Variants in PODXL observed in about 807,000 individuals in gnomAD.
PODXL encodes the protein podocalyxin.
PODXL carries 20 observed loss-of-function variants against 48.9 expected under a neutral mutation model. The observed-to-expected ratio is 0.41, with a 90% CI of 0.29 to 0.59. The LOEUF (loss-of-function observed/expected upper bound fraction) is 0.59. PODXL is among the 20% of genes least tolerant of loss of function. The pLI, the probability that PODXL is intolerant of heterozygous loss-of-function variation, is 0.31. For synonymous variants in PODXL, 295 were observed against 287.4 expected (o/e 1.03, Z -0.27); for missense variants, 606 against 675.1 (o/e 0.90, Z 1.13).
At chr7:131,544,757 C>T (rs79839625) in intron 1 of PODXL, among the ~76,000 whole-genome samples, 6,898 of 152,230 alleles carry the variant, frequency 0.045, 500 homozygotes, top group African/African-American at 0.15. Flanking sequence ...GTCCCACCTG[C>T]GAGTAGTGCC....
intron 1 of PODXL, among the ~76,000 whole-genome samples, chr7:131,544,270 G>C (rs772240098): frequency 6.6e-6 from 1 of 152,236 alleles, no homozygotes; most frequent in Non-Finnish European, 1.5e-5. Context: ...CCCAGGGCCA[G>C]TTATAGCTGG....
intron 1 of PODXL, among the ~76,000 whole-genome samples, chr7:131,551,318 C>T (rs1412247081): frequency 6.6e-6 from 1 of 152,164 alleles, no homozygotes; most frequent in East Asian, 1.9e-4. Context: ...AGCTGAGCTC[C>T]CTGCCCTGCT....
rs2116877889 is a variant in PODXL, at chr7:131,554,790, C to T, written c.100+1470G>A. Among the ~76,000 whole-genome samples, 3 of 152,282 alleles carry T rather than the reference C, an allele frequency of 2.0e-5. No homozygotes were observed. In the Middle Eastern group the frequency reaches 0.01, roughly 518 times the overall value. On this transcript the variant is annotated intron_variant, in intron 1 of 8. Transcript: ENST00000378555. ...CGCCCTTCTGGGTGGTTCTAAGAGGCTTCCCAACAAAAGGTTCGTATGAAG... is the reference window on the plus strand; with the variant it reads ...CGCCCTTCTGGGTGGTTCTAAGAGGTTTCCCAACAAAAGGTTCGTATGAAG...
intron 1 of PODXL, among the ~76,000 whole-genome samples, chr7:131,525,959 T>C (rs1173224757): frequency 6.6e-6 from 1 of 152,294 alleles, no homozygotes; most frequent in East Asian, 1.9e-4. Flanking sequence ...GACAAATAGA[T>C]GACAGATGAG....
At chr7:131,533,844 A>G (rs183843593) in intron 1 of PODXL, among the ~76,000 whole-genome samples, 1 of 152,340 alleles carries the variant, frequency 6.6e-6, no homozygotes, top group Admixed American at 6.5e-5. Flanking sequence ...CACAAGCTGT[A>G]TAACCAGGCA....
intron 1 of PODXL, among the ~76,000 whole-genome samples, chr7:131,517,881 G>C (rs1798027032): frequency 6.6e-6 from 1 of 152,052 alleles, no homozygotes; most frequent in Admixed American, 6.6e-5. Context: ...TGGGACCACA[G>C]GTACACACCA....
intron 1 of PODXL, among the ~76,000 whole-genome samples, chr7:131,553,035 C>T (rs1048669711): frequency 6.6e-6 from 1 of 152,192 alleles, no homozygotes; most frequent in Non-Finnish European, 1.5e-5. Context: ...ATCCTCCCAC[C>T]TTGGCCTCTC....
intron 1 of PODXL, among the ~76,000 whole-genome samples, chr7:131,534,198 T>C (rs1643256): frequency 0.92 from 139,543 of 152,188 alleles, 64,243 homozygotes; most frequent in East Asian, 1. Flanking sequence ...CTCTTCCTTC[T>C]CAGTGAGGCA....
chr7:131,510,938 G>T lies in PODXL; in HGVS notation c.596C>A (p.Ala199Asp), dbSNP rs770246998. Residue 199 changes from alanine (A) to aspartate (D), a missense_variant, in exon 2 of 9, where the codon GCC (alanine) becomes GAC (aspartate). Transcript: ENST00000378555. ...PRQPTSTHPVATPTSSGHDHL... is the reference protein window; with the variant it reads ...PRQPTSTHPVDTPTSSGHDHL... ...GTCATGTCCCGAGCTTGTTGGGGTG[G>T]CCACAGGATGCGTCGAAGTGGGTTG... The T allele has an allele frequency of 1.9e-6, 3 of 1,614,022 alleles. No individual in the cohort carries two copies. Among genetic ancestry groups the T allele is most frequent in the African/African-American group, 2.7e-5 (2 of 74,914 alleles).
At position 131,502,198 on chromosome 7, in the gene PODXL, C is replaced by T. The variant is rs1048052570; in HGVS notation, c.*2113G>A. Reference sequence around the variant, plus strand: ...TCTGGCCTCTCCCACGGGACCACAACAGAAAACCTACTGGGTGGAGAGAAC... The same window carrying T: ...TCTGGCCTCTCCCACGGGACCACAATAGAAAACCTACTGGGTGGAGAGAAC... On this transcript the variant is annotated 3_prime_UTR_variant, in exon 9 of 9. Coordinates refer to ENST00000378555, the MANE Select transcript of PODXL (RefSeq NM_001018111.3). 4 of 152,216 alleles carry T rather than the reference C, an allele frequency of 2.6e-5. No homozygotes were observed. The highest frequency in any genetic ancestry group is 5.9e-5 in the Non-Finnish European group (4 of 68,068). The allele number at this position is 152,216 out of a possible 1,614,324, so 9.4% of individuals were successfully genotyped here.
At chr7:131,544,596 A>G (rs1798536051) in intron 1 of PODXL, among the ~76,000 whole-genome samples, 1 of 152,108 alleles carries the variant, frequency 6.6e-6, no homozygotes. Context: ...CGTGGGCAGG[A>G]GTTAGGACAG....
rs779993340 is a variant in PODXL, at chr7:131,509,491, C to T, written c.897G>A (p.Thr299=). Residue 299 remains threonine (T), a synonymous_variant, in exon 4 of 9, where the codon ACG becomes ACA. Transcript: ENST00000378555. ...APSSQETVQP[T]SPATALRTPT... ...GTGTTCTCAATGCCGTTGCCGGGCTCGTGGGCTGCACTGTCTCCTGGGAGG... is the reference window on the plus strand; with the variant it reads ...GTGTTCTCAATGCCGTTGCCGGGCTTGTGGGCTGCACTGTCTCCTGGGAGG... 2.0e-5 allele frequency: 32 copies of T among 1,613,582 alleles called. No individual in the cohort carries two copies. In the Admixed American group the frequency reaches 4.2e-4, roughly 21 times the overall value.
chr7:131,547,374 CAAAAAAAAAAA>C (rs10683140), intron 1 of PODXL, among the ~76,000 whole-genome samples: 1 of 68,974 alleles, frequency 1.4e-5, no homozygotes, highest in South Asian at 7.7e-4. Flanking sequence ...AACTCCGTCT[CAAAAAAAAAAA>C]AAAAAAAAAA....
intron 1 of PODXL, among the ~76,000 whole-genome samples, chr7:131,551,055 A>G (rs1031981117): frequency 6.6e-6 from 1 of 152,204 alleles, no homozygotes; most frequent in African/African-American, 2.4e-5. Flanking sequence ...TGCCGACTCG[A>G]AGCAGTCATA....
chr7:131,509,066 G>A (rs1222080065), intron 4 of PODXL, 38 bp from the exon 5 acceptor site: 8 of 1,536,688 alleles, frequency 5.2e-6, no homozygotes, highest in Admixed American at 5.0e-5. Flanking sequence ...TGGGCTAATA[G>A]TCATGGAATC....
At chr7:131,510,185 ATAAG>A (rs906509990) in intron 3 of PODXL, 47 bp downstream of exon 3, 57 of 446,392 alleles carry the variant, frequency 1.3e-4, no homozygotes, top group South Asian at 3.5e-4. Context: ...CTTATAAATA[ATAAG>A]TAAGTAAGTA....
chr7:131,508,806 C>T, intron 5 of PODXL, 145 bp downstream of exon 5: 1 of 693,348 alleles, frequency 1.4e-6, no homozygotes, highest in Admixed American at 2.1e-5. Context: ...GGACCACTTC[C>T]TACTAGGAAG....
At position 131,504,074 on chromosome 7, in the gene PODXL, C is replaced by T. The variant is rs1797756941; in HGVS notation, c.*237G>A. ...CTTACGTGGCTTTTTCTTGATCTCC[C>T]TCATCATCCAGCAGCACTGAGCTCA... On this transcript the variant is annotated 3_prime_UTR_variant, in exon 9 of 9. Coordinates refer to ENST00000378555, the MANE Select transcript of PODXL (RefSeq NM_001018111.3). The T allele has an allele frequency of 7.1e-6, 4 of 562,236 alleles. No homozygotes were observed. In the South Asian group the frequency reaches 8.6e-5, roughly 12 times the overall value. 34.8% of individuals were successfully genotyped at this position (562,236 alleles called of 1,614,324 possible).
chr7:131,509,268 G>T, intron 4 of PODXL, 97 bp downstream of exon 4: 1 of 1,018,938 alleles, frequency 9.8e-7, no homozygotes, highest in Non-Finnish European at 1.5e-6. Flanking sequence ...CCCCAGCCAG[G>T]GGCCCTGCGT....
Sources: gnomAD v4.1 joint callset for allele counts (sites outside exome capture counted in the v4.1 genomes callset) on GRCh38, gnomAD v4.1.1 for gene constraint, MANE v1.5 for transcripts, NCBI Gene and HGNC (gene_info 2026-07-23, HGNC 2026-07-21) for gene names.